The following ARID2 variants were observed in gnomAD, a reference collection of about 807,000 sequenced individuals.
ARID2 encodes AT-rich interactive domain-containing protein 2.
In ARID2, 32 loss-of-function variants were observed where a neutral mutation model predicts 184.6. The ratio of observed to expected loss-of-function variants is 0.17; its 90% CI spans 0.13 to 0.23. The LOEUF is 0.23. ARID2 is among the 10% of genes least tolerant of loss of function. The probability of loss-of-function intolerance (pLI) is 1.00; values close to 1 mark genes in which losing one functional copy is unlikely to be tolerated. For missense variants in ARID2, 1,696 were observed against 2,197.6 expected, an observed-to-expected ratio of 0.77 and a Z score of 4.56; for synonymous variants, 836 against 772.6, an observed-to-expected ratio of 1.08 and a Z score of -1.36.
At chr12:45,796,836 G>A (rs1942400791) in intron 3 of ARID2, among the ~76,000 whole-genome samples, 1 of 152,234 alleles carries the variant, frequency 6.6e-6, no homozygotes, top group South Asian at 2.1e-4. Flanking sequence ...GTGTTATTTG[G>A]TAGGAGAAAG....
chr12:45,827,968 A>G (rs906684093), intron 6 of ARID2, among the ~76,000 whole-genome samples: 4 of 152,112 alleles, frequency 2.6e-5, no homozygotes, highest in Admixed American at 1.3e-4. Context: ...TTCAGGATGC[A>G]TTGACTTTGT....
At chr12:45,788,348 A>C (rs1470875898) in intron 3 of ARID2, among the ~76,000 whole-genome samples, 1 of 152,146 alleles carries the variant, frequency 6.6e-6, no homozygotes, top group Non-Finnish European at 1.5e-5. Context: ...TGAGGATTAG[A>C]TAAATTATCA....
At chr12:45,769,363 T>C (rs955724316) in intron 3 of ARID2, among the ~76,000 whole-genome samples, 4 of 152,176 alleles carry the variant, frequency 2.6e-5, no homozygotes, top group African/African-American at 9.7e-5. Flanking sequence ...TAAAAAGAAC[T>C]AAGTGGGATT....
intron 2 of ARID2, among the ~76,000 whole-genome samples, chr12:45,730,536 G>A (rs1476632690): frequency 6.6e-6 from 1 of 151,854 alleles, no homozygotes; most frequent in Admixed American, 6.6e-5. Context: ...TAGCACAGGC[G>A]GAGACACACA....
intron 3 of ARID2, among the ~76,000 whole-genome samples, chr12:45,774,534 T>C (rs1294738728): frequency 1.3e-5 from 2 of 152,160 alleles, no homozygotes; most frequent in Non-Finnish European, 2.9e-5. Context: ...TGTGTGTACA[T>C]GTTTGTGTGT....
intron 20 of ARID2, among the ~76,000 whole-genome samples, chr12:45,897,997 C>T (rs1312990384): frequency 1.3e-5 from 2 of 151,956 alleles, no homozygotes; most frequent in Non-Finnish European, 2.9e-5. Context: ...GAGGTCTCAC[C>T]ATGTTGTGCA....
At chr12:45,797,321 G>T (rs1208677634) in intron 3 of ARID2, among the ~76,000 whole-genome samples, 1 of 152,102 alleles carries the variant, frequency 6.6e-6, no homozygotes, top group Non-Finnish European at 1.5e-5. Context: ...TGCAACCTCT[G>T]CCTCCTGGAT....
At chr12:45,869,763 A>G (rs1352246637) in intron 16 of ARID2, among the ~76,000 whole-genome samples, 1 of 151,728 alleles carries the variant, frequency 6.6e-6, no homozygotes, top group Non-Finnish European at 1.5e-5. Context: ...GGCGACTGTA[A>G]TCCCAGCTAA....
intron 18 of ARID2, among the ~76,000 whole-genome samples, chr12:45,892,696 T>C (rs1944316700): frequency 6.6e-6 from 1 of 152,170 alleles, no homozygotes; most frequent in South Asian, 2.1e-4. Flanking sequence ...TTTCCTCATA[T>C]ACGAGTCAGC....
chr12:45,762,856 T>A (rs1941706626), intron 3 of ARID2, among the ~76,000 whole-genome samples: 1 of 152,218 alleles, frequency 6.6e-6, no homozygotes, highest in African/African-American at 2.4e-5. Flanking sequence ...AGAGAACAAG[T>A]TTATCTTTAA....
chr12:45,824,011 C>T (rs1259264828), intron 6 of ARID2, among the ~76,000 whole-genome samples: 3 of 152,132 alleles, frequency 2.0e-5, no homozygotes, highest in Admixed American at 1.3e-4. Flanking sequence ...GTATCTGTGA[C>T]GAACATAGAT....
At chr12:45,747,240 C>G (rs1941377462) in intron 3 of ARID2, among the ~76,000 whole-genome samples, 1 of 152,006 alleles carries the variant, frequency 6.6e-6, no homozygotes, top group Admixed American at 6.6e-5. Flanking sequence ...TTAAAAAATT[C>G]TTTAATGTAT....
chr12:45,800,765 AATG>A (rs1942483948), intron 3 of ARID2, among the ~76,000 whole-genome samples: 1 of 152,134 alleles, frequency 6.6e-6, no homozygotes, highest in South Asian at 2.1e-4. Flanking sequence ...TGCTAAAAAA[AATG>A]ATAAGGACAC....
At chr12:45,848,175 A>G (rs1439185211) in intron 12 of ARID2, among the ~76,000 whole-genome samples, 1 of 151,918 alleles carries the variant, frequency 6.6e-6, no homozygotes, top group Non-Finnish European at 1.5e-5. Context: ...TATTATACAT[A>G]GTGAGTTATG....
intron 6 of ARID2, among the ~76,000 whole-genome samples, chr12:45,836,320 C>T (rs908795359): frequency 3.9e-5 from 6 of 152,226 alleles, no homozygotes; most frequent in Admixed American, 6.5e-5. Flanking sequence ...AGTGATCCTC[C>T]TGCCTCAGCC....
intron 3 of ARID2, among the ~76,000 whole-genome samples, chr12:45,745,003 G>T (rs1941329392): frequency 1.3e-5 from 2 of 152,188 alleles, no homozygotes; most frequent in African/African-American, 4.8e-5. Flanking sequence ...AGGCACGTGT[G>T]TGTGTAAGCA....
chr12:45,760,341 G>A (rs1004188076), intron 3 of ARID2, among the ~76,000 whole-genome samples: 5 of 152,172 alleles, frequency 3.3e-5, no homozygotes, highest in Non-Finnish European at 5.9e-5. Flanking sequence ...TGTCACATAC[G>A]TCATATGATA....
rs2138181546 is a variant in ARID2, at chr12:45,852,802, C to T, written c.4679C>T (p.Ala1560Val). ...SATMVAVPAGADPSTVAKVAI... is the reference protein window; with the variant it reads ...SATMVAVPAGVDPSTVAKVAI... Reference sequence around the variant, plus strand: ...ACAATGGTTGCTGTGCCAGCAGGAGCAGATCCAAGCACTGTAGCTAAAGTA... The same window carrying T: ...ACAATGGTTGCTGTGCCAGCAGGAGTAGATCCAAGCACTGTAGCTAAAGTA... The change falls in exon 15 of 21, where the codon GCA becomes GTA. Residue 1560 changes from alanine (A) to valine (V), a missense_variant. Transcript: ENST00000334344. 6.2e-7 allele frequency: 1 copy of T among 1,614,076 alleles called. No homozygotes were observed. Among genetic ancestry groups the T allele is most frequent in the Non-Finnish European group, 8.5e-7 (1 of 1,179,992 alleles).
Position 45,907,092 on chromosome 12 carries a change from G to A in ARID2, c.*2014G>A. 4.3e-6 allele frequency: 1 copy of A among 232,440 alleles called. No homozygotes were observed. Among genetic ancestry groups the A allele is most frequent in the Non-Finnish European group, 8.5e-6 (1 of 117,564 alleles). 14.4% of individuals were successfully genotyped at this position (232,440 alleles called of 1,614,324 possible). The stretch of plus-strand genomic sequence containing the variant: ...GTTTGAGAAACTTCATCTAATATTA[G>A]TTATAAGGTTGTGGAATTTATGCTT... On this transcript the variant is annotated 3_prime_UTR_variant, in exon 21 of 21. Coordinates refer to ENST00000334344, the MANE Select transcript of ARID2 (RefSeq NM_152641.4).
Sources: allele counts gnomAD v4.1 joint callset (sites outside exome capture counted in the v4.1 genomes callset), GRCh38; gene constraint gnomAD v4.1.1; transcripts MANE v1.5; gene names NCBI Gene and HGNC (gene_info 2026-07-23, HGNC 2026-07-21).